EHBP1L1: variants seen among roughly 807,000 people sequenced by gnomAD.
The protein encoded by EHBP1L1 is EH domain-binding protein 1-like protein 1.
EHBP1L1 carries 122 observed loss-of-function variants against 151.1 expected under a neutral mutation model. That is an observed-to-expected ratio of 0.81 (90% CI 0.70 to 0.94). The LOEUF (loss-of-function observed/expected upper bound fraction) is 0.94, where lower values mean the gene tolerates loss of function less well. Among genes scored for constraint, EHBP1L1 ranks in the 40% least tolerant of loss-of-function variants. The pLI is 0.00. For synonymous variants in EHBP1L1, 878 were observed against 810.1 expected (o/e 1.08, Z -1.42); for missense variants, 1,941 against 1,959.8 (o/e 0.99, Z 0.18).
chr11:65,579,543 G>A (rs991433139), intron 3 of EHBP1L1, 107 bp downstream of exon 3: 3 of 962,444 alleles, frequency 3.1e-6, no homozygotes, highest in South Asian at 2.0e-5. Context: ...AAGAGGATGC[G>A]GGGGGTGAGG....
Position 65,579,369 on chromosome 11 carries a change from A to G in EHBP1L1, c.191A>G (p.Asn64Ser). The change falls in exon 3 of 19, where the codon AAC (asparagine) becomes AGC (serine). Residue 64 changes from asparagine to serine, a missense_variant. By Grantham distance (46) the Asn-to-Ser change is conservative. Coordinates refer to ENST00000309295, the MANE Select transcript of EHBP1L1 (RefSeq NM_001099409.3). ...CACAGCTGGCAGCCGGGCATCCAGA[A>G]CCCATACCGGGGCACCGTGGTGTGG... ...KAHSWQPGIQNPYRGTVVWMV... is the reference protein window; with the variant it reads ...KAHSWQPGIQSPYRGTVVWMV... 6.3e-7 allele frequency: 1 copy of G among 1,574,932 alleles called. No individual in the cohort carries two copies. Among genetic ancestry groups the G allele is most frequent in the East Asian group, 2.3e-5 (1 of 43,646 alleles).
At position 65,576,395 on chromosome 11, in the gene EHBP1L1, C is replaced by T. The variant is rs760075359; in HGVS notation, c.93C>T (p.Cys31=). The part of the protein sequence containing the change: ...VACYHELVLE[C]TKKWQPDKLV... Reference sequence around the variant, plus strand: ...GTTACCACGAGCTAGTGTTGGAGTGCACCAAGAAATGGTGAGTGGGAGGGA... The same window carrying T: ...GTTACCACGAGCTAGTGTTGGAGTGTACCAAGAAATGGTGAGTGGGAGGGA... The change falls in exon 1 of 19, where the codon TGC becomes TGT. Residue 31 remains cysteine, a synonymous_variant. Transcript: ENST00000309295. The T allele has an allele frequency of 5.7e-6, 9 of 1,586,524 alleles. No homozygotes were observed. The highest frequency in any genetic ancestry group is 7.7e-6 in the Non-Finnish European group (9 of 1,166,846).
Position 65,585,606 on chromosome 11 carries a change from C to A in EHBP1L1, c.3933+15C>A. On this transcript the variant is annotated intron_variant, in intron 12 of 18. Coordinates refer to ENST00000309295, the MANE Select transcript of EHBP1L1 (RefSeq NM_001099409.3). This position sits in a 1 kb window ranked among gnomAD's most constrained non-coding sequence, Gnocchi z 4.0. Reference sequence around the variant, plus strand: ...CTGCGGCTGCAGTGAGTGTCAAGGTCCTTCTTTCTTCCCCCGCCGCAGCGC... The same window carrying A: ...CTGCGGCTGCAGTGAGTGTCAAGGTACTTCTTTCTTCCCCCGCCGCAGCGC... 1 of 1,561,164 alleles carries A rather than the reference C, an allele frequency of 6.4e-7. No individual in the cohort carries two copies. Among genetic ancestry groups the A allele is most frequent in the East Asian group, 2.4e-5 (1 of 42,478 alleles).
chr11:65,582,444 G>T lies in EHBP1L1; in HGVS notation c.1772G>T (p.Gly591Val), dbSNP rs780858156. Residue 591 changes from glycine (G) to valine (V), a missense_variant, in exon 9 of 19, where the codon GGG becomes GTG. Coordinates refer to ENST00000309295, the MANE Select transcript of EHBP1L1 (RefSeq NM_001099409.3). ...VLGTQEKEVE[G>V]SGFPETRTLE... ...GGAACCCAGGAGAAAGAAGTTGAGG[G>T]GTCAGGGTTCCCAGAGACTAGGACA... 2 of 1,612,428 alleles carry T rather than the reference G, an allele frequency of 1.2e-6. No homozygotes were observed. Among genetic ancestry groups the T allele is most frequent in the South Asian group, 1.1e-5 (1 of 91,056 alleles).
intron 12 of EHBP1L1, among the ~76,000 whole-genome samples, chr11:65,587,843 C>T (rs1443447852): frequency 6.6e-6 from 1 of 152,206 alleles, no homozygotes; most frequent in African/African-American, 2.4e-5. Flanking sequence ...CCCTCAGTTT[C>T]CTCATCTGTA....
chr11:65,583,834 C>T, intron 9 of EHBP1L1, 69 bp downstream of exon 9: 1 of 1,436,196 alleles, frequency 7.0e-7, no homozygotes, highest in Admixed American at 2.9e-5. Flanking sequence ...CGAACGGCGG[C>T]TCTGCATGGA....
chr11:65,581,418 A>G, intron 8 of EHBP1L1, 45 bp downstream of exon 8: 1 of 1,480,790 alleles, frequency 6.8e-7, no homozygotes, highest in Non-Finnish European at 9.0e-7. Context: ...CCCTGATAGG[A>G]GCTGCAGTCC....
chr11:65,580,896 C>G, intron 6 of EHBP1L1, 162 bp from the exon 7 acceptor site: 1 of 1,428,150 alleles, frequency 7.0e-7, no homozygotes, highest in Non-Finnish European at 9.1e-7. Context: ...CTCTCTTTCT[C>G]TCCACATCTG....
chr11:65,583,013 T>C lies in EHBP1L1; in HGVS notation c.2341T>C (p.Ser781Pro). Residue 781 changes from serine (S) to proline (P), a missense_variant, in exon 9 of 19, where the codon TCT becomes CCT. Ser to Pro is a moderately conservative substitution (Grantham distance 74). Transcript: ENST00000309295. Reference sequence around the variant, plus strand: ...GATATTGGGGACCCAAGAGATAGCATCTAGGGATTCAGGGGTCCCAGGGTT... The same window carrying C: ...GATATTGGGGACCCAAGAGATAGCACCTAGGGATTCAGGGGTCCCAGGGTT... ...GAILGTQEIA[S>P]RDSGVPGLEA... 1 of 1,612,776 alleles carries C rather than the reference T, an allele frequency of 6.2e-7. No homozygotes were observed. Among genetic ancestry groups the C allele is most frequent in the Non-Finnish European group, 8.5e-7 (1 of 1,179,482 alleles).
Position 65,581,602 on chromosome 11 carries a change from T to C in EHBP1L1, c.930T>C (p.Ser310=), listed in dbSNP as rs1857613240. The part of the protein sequence containing the change: ...PTPAPRLRKG[S]DALRPPVPQG... ...CAGCCCCTCGGCTCCGGAAAGGCTCTGATGCCCTCCGGCCCCCAGTCCCCC... is the reference window on the plus strand; with the variant it reads ...CAGCCCCTCGGCTCCGGAAAGGCTCCGATGCCCTCCGGCCCCCAGTCCCCC... Residue 310 remains serine (S), a synonymous_variant, in exon 9 of 19, where the codon TCT becomes TCC. Coordinates refer to ENST00000309295, the MANE Select transcript of EHBP1L1 (RefSeq NM_001099409.3). 7 of 1,527,590 alleles carry C rather than the reference T, an allele frequency of 4.6e-6. No individual in the cohort carries two copies. In the South Asian group the frequency reaches 6.3e-5, roughly 14 times the overall value. The allele number at this position is 1,527,590 out of a possible 1,614,324, so 94.6% of individuals were successfully genotyped here.
At position 65,582,636 on chromosome 11, in the gene EHBP1L1, A is replaced by C. The variant is rs1857682673; in HGVS notation, c.1964A>C (p.Lys655Thr). 3.7e-6 allele frequency: 6 copies of C among 1,613,524 alleles called. No homozygotes were observed. Among genetic ancestry groups the C allele is most frequent in the African/African-American group, 1.3e-5 (1 of 74,888 alleles). Residue 655 changes from lysine (K) to threonine (T), a missense_variant, in exon 9 of 19, where the codon AAA becomes ACA. Physicochemically the swap from Lys to Thr is moderately conservative, Grantham distance 78 (BLOSUM62 -1). Coordinates refer to ENST00000309295, the MANE Select transcript of EHBP1L1 (RefSeq NM_001099409.3). ...GTETEVLGTQ[K>T]TEAGGSGVLQ... ...GAGACTGAGGTATTGGGGACCCAGA[A>C]AACAGAAGCTGGGGGTTCAGGAGTT...
At position 65,580,613 on chromosome 11, in the gene EHBP1L1, C is replaced by G. The variant is rs1040628700; in HGVS notation, c.634+134C>G. On this transcript the variant is annotated intron_variant, in intron 6 of 18. Transcript: ENST00000309295. ...GCCCAGGCAGTCCCAACCAACCCAG[C>G]AGCCTCAATTGTCCCAACCTGGCTG... The G allele has an allele frequency of 9.1e-6, 11 of 1,206,978 alleles. No homozygotes were observed. The Admixed American group carries it at 1.0e-4, about 11-fold the overall frequency. The allele number at this position is 1,206,978 out of a possible 1,614,324, so 74.8% of individuals were successfully genotyped here. A position where few individuals can be genotyped will look rare whatever the true frequency, so the allele number is the denominator to read the frequency against.
chr11:65,577,739 G>A (rs571212519), intron 1 of EHBP1L1, among the ~76,000 whole-genome samples: 38 of 152,310 alleles, frequency 2.5e-4, no homozygotes, highest in Middle Eastern at 3.4e-3. Context: ...CTCTGCCATC[G>A]CTGGCAATTT....
In EHBP1L1 at chr11:65,585,120, C is replaced by A; in HGVS notation, c.3462C>A (p.Gly1154=). The A allele has an allele frequency of 6.7e-7, 1 of 1,499,718 alleles. No homozygotes were observed. The allele number at this position is 1,499,718 out of a possible 1,614,324, so 92.9% of individuals were successfully genotyped here. A position where few individuals can be genotyped will look rare whatever the true frequency, so the allele number is the denominator to read the frequency against. Residue 1154 remains glycine (G), a synonymous_variant, in exon 12 of 19, where the codon GGC becomes GGA. Transcript: ENST00000309295. This position sits in a 1 kb window ranked among gnomAD's most constrained non-coding sequence, Gnocchi z 4.0. The part of the protein sequence containing the change: ...QELQLVQLEG[G]GGAGTYRVGS... ...TGCAGCTGGTACAACTGGAGGGCGG[C>A]GGCGGCGCCGGCACGTACCGCGTGG...
In EHBP1L1 at chr11:65,584,297, C is replaced by T. The variant is rs1424714984; in HGVS notation, c.3150C>T (p.Val1050=). ...CCCTGCTGGAGTGGTGCCAGGAAGT[C>T]ACCACTGGCTACCGTGGCGTCCGCA... is the stretch of plus-strand genomic sequence containing the variant. The part of the protein sequence containing the change: ...SQSLLEWCQE[V]TTGYRGVRIT... Residue 1050 remains valine (V), a synonymous_variant, in exon 10 of 19, where the codon GTC becomes GTT. Coordinates refer to ENST00000309295, the MANE Select transcript of EHBP1L1 (RefSeq NM_001099409.3). 1.9e-6 allele frequency: 3 copies of T among 1,611,512 alleles called. No homozygotes were observed. The highest frequency in any genetic ancestry group is 1.1e-5 in the South Asian group (1 of 90,924).
At chr11:65,579,479 G>T in intron 3 of EHBP1L1, 43 bp downstream of exon 3, 1 of 1,396,182 alleles carries the variant, frequency 7.2e-7, no homozygotes. Flanking sequence ...TTGCAACACA[G>T]GCAGTTGCAA....
At chr11:65,590,322 C>G (rs1251492146) in intron 15 of EHBP1L1, 112 bp downstream of exon 15, 2 of 1,533,956 alleles carry the variant, frequency 1.3e-6, no homozygotes, top group African/African-American at 1.4e-5. Context: ...CTGGCATCAG[C>G]GTTCCCATTT....
At chr11:65,587,639 C>A (rs532654785) in intron 12 of EHBP1L1, among the ~76,000 whole-genome samples, 33 of 152,350 alleles carry the variant, frequency 2.2e-4, no homozygotes, top group Middle Eastern at 3.4e-3. Context: ...AGATTCCTTT[C>A]TAGAAGCCCT....
chr11:65,580,046 A>G, intron 4 of EHBP1L1, 35 bp from the exon 5 acceptor site: 3 of 1,613,236 alleles, frequency 1.9e-6, no homozygotes, highest in Non-Finnish European at 2.5e-6. Context: ...GACAGCACTG[A>G]TGCCCCTTCT....
Sources: allele counts gnomAD v4.1 joint callset (sites outside exome capture counted in the v4.1 genomes callset), GRCh38; gene constraint gnomAD v4.1.1; non-coding constraint Gnocchi (gnomAD v3.1); transcripts MANE v1.5; gene names NCBI Gene and HGNC (gene_info 2026-07-23, HGNC 2026-07-21).